PEBP4: variants seen among roughly 807,000 people sequenced by gnomAD.
The protein encoded by PEBP4 is phosphatidylethanolamine-binding protein 4.
Under a neutral mutation model 23.9 loss-of-function variants are expected in PEBP4, and 22 were observed. The ratio of observed to expected loss-of-function variants is 0.92; its 90% CI spans 0.66 to 1.31. The LOEUF (loss-of-function observed/expected upper bound fraction) is 1.31, where lower values mean the gene tolerates loss of function less well. Among genes scored for constraint, PEBP4 ranks in the 40% most tolerant of loss-of-function variants. The pLI, the probability that PEBP4 is intolerant of heterozygous loss-of-function variation, is 0.00. For missense variants in PEBP4, 324 were observed against 281.7 expected (o/e 1.15, Z -1.07); for synonymous variants, 112 against 99.3 (o/e 1.13, Z -0.76).
intron 4 of PEBP4, 89 bp downstream of exon 4, chr8:22,817,548 T>A: frequency 7.9e-7 from 1 of 1,267,566 alleles, no homozygotes; most frequent in Non-Finnish European, 1.1e-6. Flanking sequence ...CGCTCCAACC[T>A]TCCTGGATGA....
intron 3 of PEBP4, among the ~76,000 whole-genome samples, chr8:22,855,019 CACACACACACACACACACACACACAT>C (rs1483493565): frequency 1.7e-3 from 95 of 55,692 alleles, no homozygotes; most frequent in African/African-American, 4.3e-3. Context: ...CACACACACA[CACACACACACACACACACACACACAT>C]GCACCCCAGG....
At chr8:22,730,746 C>T (rs1409802492) in intron 4 of PEBP4, among the ~76,000 whole-genome samples, 1 of 152,182 alleles carries the variant, frequency 6.6e-6, no homozygotes, top group Non-Finnish European at 1.5e-5. Flanking sequence ...GACACCACTC[C>T]TGTCGAGTCT....
At chr8:22,856,029 G>A (rs1208573496) in intron 3 of PEBP4, among the ~76,000 whole-genome samples, 9 of 131,496 alleles carry the variant, frequency 6.8e-5, no homozygotes, top group Non-Finnish European at 9.3e-5. Context: ...CAGCCTGGGC[G>A]AGGGTGAGAC....
chr8:22,860,289 C>T (rs1269100951), intron 3 of PEBP4, among the ~76,000 whole-genome samples: 2 of 149,650 alleles, frequency 1.3e-5, no homozygotes, highest in Non-Finnish European at 3.0e-5. Context: ...GTGTCCAATT[C>T]GGTAGTCTTA....
intron 4 of PEBP4, among the ~76,000 whole-genome samples, chr8:22,812,538 T>TTA (rs901704329): frequency 1.3e-5 from 2 of 152,186 alleles, no homozygotes; most frequent in African/African-American, 4.8e-5. Flanking sequence ...TTTTAGCTGC[T>TTA]TATTAGTTAA....
intron 3 of PEBP4, among the ~76,000 whole-genome samples, chr8:22,904,203 G>T (rs865962359): frequency 3.9e-4 from 59 of 152,272 alleles, no homozygotes; most frequent in African/African-American, 1.4e-3. Flanking sequence ...TGCACACGAG[G>T]CAGCTTGTGC....
intron 4 of PEBP4, among the ~76,000 whole-genome samples, chr8:22,738,870 C>T (rs1804928000): frequency 6.6e-6 from 1 of 152,206 alleles, no homozygotes; most frequent in Admixed American, 6.5e-5. Context: ...CATGCTCACA[C>T]ACACTCACAT....
At chr8:22,744,050 A>T (rs1356241244) in intron 4 of PEBP4, among the ~76,000 whole-genome samples, 2 of 152,148 alleles carry the variant, frequency 1.3e-5, no homozygotes. Context: ...TTAAAGAGAT[A>T]CTTGCCCTGT....
At chr8:22,888,374 G>A (rs763032401) in intron 3 of PEBP4, among the ~76,000 whole-genome samples, 1 of 152,164 alleles carries the variant, frequency 6.6e-6, no homozygotes, top group Non-Finnish European at 1.5e-5. Context: ...GGCTGGTCTC[G>A]AACTCCTGAC....
chr8:22,799,360 C>A (rs902943210), intron 4 of PEBP4, among the ~76,000 whole-genome samples: 12 of 152,286 alleles, frequency 7.9e-5, no homozygotes, highest in Admixed American at 7.8e-4. Flanking sequence ...CCCTTTCCAG[C>A]CTTATTCTCA....
At chr8:22,773,064 A>G (rs1805747960) in intron 4 of PEBP4, among the ~76,000 whole-genome samples, 1 of 151,440 alleles carries the variant, frequency 6.6e-6, no homozygotes, top group Admixed American at 6.6e-5. Context: ...AAAATGAAAG[A>G]ATCTGATAAT....
At chr8:22,844,542 C>T (rs1163453311) in intron 3 of PEBP4, among the ~76,000 whole-genome samples, 2 of 152,150 alleles carry the variant, frequency 1.3e-5, no homozygotes, top group Non-Finnish European at 1.5e-5. Context: ...CATGCCCAGC[C>T]GAAAATTTCA....
At chr8:22,717,792 T>C (rs1804444893) in intron 6 of PEBP4, among the ~76,000 whole-genome samples, 1 of 152,120 alleles carries the variant, frequency 6.6e-6, no homozygotes. Flanking sequence ...TGTTGGGGGA[T>C]GGTGGCCCTG....
At chr8:22,747,956 G>T (rs1238649121) in intron 4 of PEBP4, among the ~76,000 whole-genome samples, 4 of 152,228 alleles carry the variant, frequency 2.6e-5, no homozygotes, top group Non-Finnish European at 4.4e-5. Context: ...GGCGCTGGAG[G>T]AGAGGTTCGT....
At chr8:22,912,897 C>T (rs921434664) in intron 3 of PEBP4, among the ~76,000 whole-genome samples, 7 of 152,138 alleles carry the variant, frequency 4.6e-5, no homozygotes, top group Admixed American at 2.0e-4. Flanking sequence ...CTGGGTGCTG[C>T]GCGCCCTCCT....
chr8:22,734,013 C>T (rs1340341402), intron 4 of PEBP4, among the ~76,000 whole-genome samples: 1 of 152,202 alleles, frequency 6.6e-6, no homozygotes, highest in Non-Finnish European at 1.5e-5. Context: ...AACAGAGTTC[C>T]AAGCTCTCTG....
At chr8:22,860,415 A>C (rs11992375) in intron 3 of PEBP4, among the ~76,000 whole-genome samples, 3,603 of 151,904 alleles carry the variant, frequency 0.024, 148 homozygotes, top group African/African-American at 0.082. Flanking sequence ...CCTGGCAACA[A>C]CCATTCTGCT....
At chr8:22,840,323 G>A (rs1481090234) in intron 3 of PEBP4, among the ~76,000 whole-genome samples, 1 of 151,970 alleles carries the variant, frequency 6.6e-6, no homozygotes, top group Non-Finnish European at 1.5e-5. Flanking sequence ...ACACAGGTGT[G>A]GATGAAAATG....
rs550761207 is a variant in PEBP4 at position 22,761,405 on chromosome 8, G to A, written c.358-34185C>T. On this transcript the variant is annotated intron_variant, in intron 4 of 6. Transcript: ENST00000256404. Reference sequence around the variant, plus strand: ...GGCGAGGGGAGGCTGGGGGGAGGCGGGGAAGGCGGAGAGAGCGAGAAGACC... The same window carrying A: ...GGCGAGGGGAGGCTGGGGGGAGGCGAGGAAGGCGGAGAGAGCGAGAAGACC... 3.3e-5 allele frequency among the ~76,000 whole-genome samples: 5 copies of A among 152,280 alleles called. No individual in the cohort carries two copies. In the South Asian group the frequency reaches 1.0e-3, roughly 32 times the overall value.
Sources: gnomAD v4.1 joint callset for allele counts (sites outside exome capture counted in the v4.1 genomes callset) on GRCh38, gnomAD v4.1.1 for gene constraint, MANE v1.5 for transcripts, NCBI Gene and HGNC (gene_info 2026-07-23, HGNC 2026-07-21) for gene names.